Variants in KATNAL1 observed in about 807,000 individuals in gnomAD.
KATNAL1 encodes katanin p60 ATPase-containing subunit A-like 1.
A neutral mutation model predicts 55.2 loss-of-function variants in KATNAL1; 32 were observed. The ratio of observed to expected loss-of-function variants is 0.58; its 90% CI spans 0.44 to 0.78. The LOEUF is 0.78. KATNAL1 is among the 30% of genes least tolerant of loss of function. The probability of loss-of-function intolerance (pLI) is 0.00; values close to 1 mark genes in which losing one functional copy is unlikely to be tolerated. For missense variants in KATNAL1, 466 were observed against 600.9 expected (o/e 0.78, Z 2.35); for synonymous variants, 193 against 193.6 (o/e 1.00, Z 0.02).
At position 30,241,086 on chromosome 13, in the gene KATNAL1, C is replaced by G; in HGVS notation, c.493G>C (p.Gly165Arg). The change falls in exon 5 of 11, where the codon GGA becomes CGA. Residue 165 changes from glycine (G) to arginine (R), a missense_variant and splice_region_variant. Coordinates refer to ENST00000380615, the MANE Select transcript of KATNAL1 (RefSeq NM_032116.5). ...DYRARGRDDK[G>R]RKNMQDGASD... The stretch of plus-strand genomic sequence containing the variant: ...GCACCATCTTGCATATTCTTCCTTC[C>G]CTGGGGATAGGTATAAAAAAAAAGT... 1 of 1,611,702 alleles carries G rather than the reference C, an allele frequency of 6.2e-7. No individual in the cohort carries two copies. Among genetic ancestry groups the G allele is most frequent in the Non-Finnish European group, 8.5e-7 (1 of 1,179,456 alleles).
intron 2 of KATNAL1, among the ~76,000 whole-genome samples, chr13:30,283,157 A>G (rs1039562819): frequency 1.4e-5 from 2 of 146,348 alleles, no homozygotes; most frequent in African/African-American, 5.1e-5. Flanking sequence ...AGTCCCAGCT[A>G]CTCCGGAGGC....
intron 6 of KATNAL1, among the ~76,000 whole-genome samples, chr13:30,235,942 G>C (rs1314549867): frequency 6.6e-6 from 1 of 151,880 alleles, no homozygotes; most frequent in East Asian, 1.9e-4. Flanking sequence ...TATTGTATAT[G>C]GTATTCTTAC....
chr13:30,252,728 C>T lies in KATNAL1; in HGVS notation c.492+2719G>A, dbSNP rs140432167. On this transcript the variant is annotated intron_variant, in intron 4 of 10. Transcript: ENST00000380615. ...CCATATCTCTGAGGGTACTTCCAAA[C>T]AACACTAATTTTCCTTTCTTTTTTT... Among the ~76,000 whole-genome samples the T allele has an allele frequency of 2.4e-4, 37 of 151,856 alleles. No individual in the cohort carries two copies. The East Asian group carries it at 7.0e-3, about 29-fold the overall frequency.
intron 3 of KATNAL1, among the ~76,000 whole-genome samples, chr13:30,273,994 GA>G (rs1258722012): frequency 1.3e-5 from 2 of 152,162 alleles, no homozygotes; most frequent in East Asian, 3.8e-4. Flanking sequence ...AGAGAGCAGG[GA>G]ACATGTCTAT....
intron 2 of KATNAL1, among the ~76,000 whole-genome samples, chr13:30,282,950 G>A (rs1264918805): frequency 6.9e-5 from 9 of 131,094 alleles, no homozygotes; most frequent in South Asian, 2.4e-4. Flanking sequence ...GTAAGACTCC[G>A]TCTCAAAAAA....
At chr13:30,276,452 T>A (rs1202521331) in intron 3 of KATNAL1, among the ~76,000 whole-genome samples, 1 of 148,726 alleles carries the variant, frequency 6.7e-6, no homozygotes, top group Admixed American at 6.8e-5. Context: ...CTAATGCCAA[T>A]CACATCAGAA....
At chr13:30,285,949 T>C (rs546310068) in intron 1 of KATNAL1, among the ~76,000 whole-genome samples, 1 of 152,208 alleles carries the variant, frequency 6.6e-6, no homozygotes, top group African/African-American at 2.4e-5. Context: ...GAGGTGTTTA[T>C]GGTATCTGGC....
At chr13:30,299,849 G>A (rs2137570174) in intron 1 of KATNAL1, among the ~76,000 whole-genome samples, 1 of 152,246 alleles carries the variant, frequency 6.6e-6, no homozygotes, top group South Asian at 2.1e-4. Context: ...AAGGAATACT[G>A]CTTTATCTGG....
chr13:30,299,217 C>T (rs1021024680), intron 1 of KATNAL1, among the ~76,000 whole-genome samples: 1 of 152,038 alleles, frequency 6.6e-6, no homozygotes, highest in Non-Finnish European at 1.5e-5. Flanking sequence ...AAATTTCAGA[C>T]AGAAAAGCCT....
intron 4 of KATNAL1, among the ~76,000 whole-genome samples, chr13:30,242,279 T>C (rs1226683102): frequency 1.3e-5 from 2 of 152,216 alleles, no homozygotes; most frequent in Non-Finnish European, 2.9e-5. Context: ...AATTTCATTT[T>C]AATATGAATG....
At chr13:30,275,515 G>A (rs529785217) in intron 3 of KATNAL1, among the ~76,000 whole-genome samples, 1 of 152,252 alleles carries the variant, frequency 6.6e-6, no homozygotes, top group South Asian at 2.1e-4. Context: ...TATAAAAAGA[G>A]TCAAACTCAT....
At chr13:30,287,304 G>C (rs1410003712) in intron 1 of KATNAL1, among the ~76,000 whole-genome samples, 1 of 152,188 alleles carries the variant, frequency 6.6e-6, no homozygotes, top group Non-Finnish European at 1.5e-5. Flanking sequence ...CTGGATCATG[G>C]GGGTGGTTCC....
At chr13:30,221,756 A>G (rs1473473674) in intron 9 of KATNAL1, among the ~76,000 whole-genome samples, 2 of 152,228 alleles carry the variant, frequency 1.3e-5, no homozygotes, top group African/African-American at 4.8e-5. Context: ...AACAGTGGAT[A>G]AAAAATTATT....
At chr13:30,223,651 G>GT (rs1259332693) in intron 9 of KATNAL1, among the ~76,000 whole-genome samples, 1 of 152,010 alleles carries the variant, frequency 6.6e-6, no homozygotes, top group African/African-American at 2.4e-5. Context: ...CCGAGAAGAT[G>GT]TAACAATGAT....
chr13:30,255,628 A>G lies in KATNAL1; in HGVS notation c.324-13T>C, dbSNP rs757501995. The G allele has an allele frequency of 1.4e-6, 2 of 1,420,312 alleles. No individual in the cohort carries two copies. The highest frequency in any genetic ancestry group is 1.8e-6 in the Non-Finnish European group (2 of 1,089,540). 88.0% of individuals were successfully genotyped at this position (1,420,312 alleles called of 1,614,324 possible). ...CTGAGGTGGAGCTCTGACAAAAAAA[A>G]AAAAAAAAAAATTAAAATTAAAATT... On this transcript the variant is annotated splice_polypyrimidine_tract_variant and intron_variant, in intron 3 of 10. Coordinates refer to ENST00000380615, the MANE Select transcript of KATNAL1 (RefSeq NM_032116.5).
Position 30,210,302 on chromosome 13 carries a change from C to A in KATNAL1, c.1274+14G>T. 1.3e-6 allele frequency: 2 copies of A among 1,577,716 alleles called. No homozygotes were observed. The highest frequency in any genetic ancestry group is 1.9e-5 in the Admixed American group (1 of 52,194). ...ATAACTAATGTCTAAAATCACAGATCATTAAAAAAATACCTGCAAACATTA... is the reference window on the plus strand; with the variant it reads ...ATAACTAATGTCTAAAATCACAGATAATTAAAAAAATACCTGCAAACATTA... On this transcript the variant is annotated intron_variant, in intron 10 of 10. Transcript: ENST00000380615.
chr13:30,219,098 C>A (rs1023968602), intron 9 of KATNAL1, among the ~76,000 whole-genome samples: 1 of 152,120 alleles, frequency 6.6e-6, no homozygotes, highest in African/African-American at 2.4e-5. Flanking sequence ...TTCTTATAAT[C>A]TTTGCCTTTT....
At chr13:30,278,073 T>C (rs1346466014) in intron 3 of KATNAL1, among the ~76,000 whole-genome samples, 1 of 151,872 alleles carries the variant, frequency 6.6e-6, no homozygotes. Flanking sequence ...TGTTGTTGCT[T>C]ACATAGAAAC....
intron 9 of KATNAL1, among the ~76,000 whole-genome samples, chr13:30,220,398 T>C (rs1460347932): frequency 2.0e-5 from 3 of 151,804 alleles, no homozygotes; most frequent in East Asian, 1.9e-4. Context: ...GAGGTGGAGA[T>C]TGCAGTGAGC....
Sources: gnomAD v4.1 joint callset for allele counts (sites outside exome capture counted in the v4.1 genomes callset) on GRCh38, gnomAD v4.1.1 for gene constraint, MANE v1.5 for transcripts, NCBI Gene and HGNC (gene_info 2026-07-23, HGNC 2026-07-21) for gene names.